ERBB4: variants seen among roughly 807,000 people sequenced by gnomAD.
The protein encoded by ERBB4 is receptor tyrosine-protein kinase erbB-4.
A neutral mutation model predicts 158.0 loss-of-function variants in ERBB4; 42 were observed. The observed-to-expected ratio is 0.27, with a 90% CI of 0.21 to 0.34. The LOEUF is 0.34. Among genes scored for constraint, ERBB4 ranks in the 10% least tolerant of loss-of-function variants. The pLI, the probability that ERBB4 is intolerant of heterozygous loss-of-function variation, is 1.00. For missense variants in ERBB4, 1,333 were observed against 1,624.1 expected, an observed-to-expected ratio of 0.82 and a Z score of 3.08; for synonymous variants, 583 against 558.7, an observed-to-expected ratio of 1.04 and a Z score of -0.61.
At chr2:211,731,097 T>A (rs969238378) in intron 5 of ERBB4, among the ~76,000 whole-genome samples, 2 of 152,074 alleles carry the variant, frequency 1.3e-5, no homozygotes, top group African/African-American at 2.4e-5. Context: ...TCGATGGAAA[T>A]ATTGCCTCAC....
intron 20 of ERBB4, among the ~76,000 whole-genome samples, chr2:211,456,942 C>T (rs1444403518): frequency 6.6e-6 from 1 of 152,114 alleles, no homozygotes; most frequent in Non-Finnish European, 1.5e-5. Flanking sequence ...GGGACCCCTG[C>T]TTTAGTCTAT....
chr2:211,840,494 T>C (rs1419411354), intron 3 of ERBB4, among the ~76,000 whole-genome samples: 1 of 152,154 alleles, frequency 6.6e-6, no homozygotes, highest in African/African-American at 2.4e-5. Flanking sequence ...TGGATGGGCC[T>C]GCTTAAGGAG....
chr2:211,832,578 G>A (rs199685398), intron 3 of ERBB4, among the ~76,000 whole-genome samples: 4 of 136,408 alleles, frequency 2.9e-5, no homozygotes, highest in South Asian at 2.4e-4. Flanking sequence ...ATGTGTGTGT[G>A]TATATATATA....
intron 1 of ERBB4, among the ~76,000 whole-genome samples, chr2:212,225,631 T>C (rs1211432735): frequency 2.0e-5 from 3 of 150,010 alleles, no homozygotes; most frequent in Non-Finnish European, 4.5e-5. Context: ...AATTTTCATA[T>C]GTAATATTTA....
intron 3 of ERBB4, among the ~76,000 whole-genome samples, chr2:211,907,092 C>T (rs955378618): frequency 4.0e-5 from 6 of 151,690 alleles, no homozygotes; most frequent in Non-Finnish European, 7.4e-5. Context: ...TCTACATCAG[C>T]GAGATTAACT....
chr2:211,993,190 G>C (rs2082120391), intron 2 of ERBB4, among the ~76,000 whole-genome samples: 1 of 152,180 alleles, frequency 6.6e-6, no homozygotes, highest in Admixed American at 6.5e-5. Flanking sequence ...GGATCTTTAA[G>C]GAGGTAATTA....
In ERBB4 at chr2:211,382,145, T is replaced by C. The variant is rs1257226272; in HGVS notation, c.*1470A>G. On this transcript the variant is annotated 3_prime_UTR_variant, in exon 28 of 28. Coordinates refer to ENST00000342788, the MANE Select transcript of ERBB4 (RefSeq NM_005235.3). ...TTGACCCAAGGACCTATCCCTAAGC[T>C]TTGAATGTTTGTGTTTTTCTTTTTA... 6 of 230,952 alleles carry C rather than the reference T, an allele frequency of 2.6e-5. No homozygotes were observed. The allele number at this position is 230,952 out of a possible 1,614,324, so 14.3% of individuals were successfully genotyped here.
At chr2:211,547,547 C>T (rs36040938) in intron 20 of ERBB4, among the ~76,000 whole-genome samples, 35,119 of 151,906 alleles carry the variant, frequency 0.23, 5,650 homozygotes, top group African/African-American at 0.46. Context: ...TCTACCTCTA[C>T]AGTTTTAGAA....
chr2:212,085,858 A>ATTG (rs1424979548), intron 2 of ERBB4, among the ~76,000 whole-genome samples: 1 of 151,408 alleles, frequency 6.6e-6, no homozygotes, highest in African/African-American at 2.4e-5. Context: ...TAAAGTTGTT[A>ATTG]TTAGCCTTAT....
chr2:212,320,135 T>C (rs888159914), intron 1 of ERBB4, among the ~76,000 whole-genome samples: 1 of 148,692 alleles, frequency 6.7e-6, no homozygotes, highest in Non-Finnish European at 1.5e-5. Context: ...GTTCCAGGTT[T>C]GCGGGATGGA....
intron 2 of ERBB4, among the ~76,000 whole-genome samples, chr2:212,122,085 A>AC (rs1490707681): frequency 6.6e-6 from 1 of 150,770 alleles, no homozygotes; most frequent in African/African-American, 2.4e-5. Flanking sequence ...ACATACACAC[A>AC]CCCCACATAC....
At chr2:212,471,063 A>G (rs1466730812) in intron 1 of ERBB4, among the ~76,000 whole-genome samples, 1 of 152,044 alleles carries the variant, frequency 6.6e-6, no homozygotes, top group African/African-American at 2.4e-5. Context: ...TATGATTAAC[A>G]TAACTCAAAC....
chr2:211,857,865 T>C (rs2077910659), intron 3 of ERBB4, among the ~76,000 whole-genome samples: 2 of 152,366 alleles, frequency 1.3e-5, no homozygotes, highest in East Asian at 1.9e-4. Context: ...GAAATGCATG[T>C]ATTTATTATA....
At chr2:211,630,340 TA>T in intron 17 of ERBB4, 121 bp downstream of exon 17, 1 of 1,160,898 alleles carries the variant, frequency 8.6e-7, no homozygotes, top group Non-Finnish European at 1.3e-6. Flanking sequence ...GACTATAAAA[TA>T]AAAAACTTAA....
intron 20 of ERBB4, among the ~76,000 whole-genome samples, chr2:211,553,104 G>A (rs1286149843): frequency 6.6e-6 from 1 of 151,950 alleles, no homozygotes; most frequent in African/African-American, 2.4e-5. Flanking sequence ...GAGTAGCTGG[G>A]ATTGCAGGCA....
intron 9 of ERBB4, among the ~76,000 whole-genome samples, chr2:211,706,424 T>TATG (rs2073441668): frequency 6.6e-6 from 1 of 152,108 alleles, no homozygotes; most frequent in Non-Finnish European, 1.5e-5. Flanking sequence ...GCATATGGCC[T>TATG]ATGTCCTGGG....
intron 1 of ERBB4, among the ~76,000 whole-genome samples, chr2:212,269,869 T>G (rs2085280965): frequency 6.6e-6 from 1 of 151,814 alleles, no homozygotes; most frequent in Non-Finnish European, 1.5e-5. Flanking sequence ...TTATTCTCTG[T>G]CCATAATTAG....
chr2:212,414,023 T>G (rs1380219615), intron 1 of ERBB4, among the ~76,000 whole-genome samples: 3 of 152,210 alleles, frequency 2.0e-5, no homozygotes, highest in Non-Finnish European at 4.4e-5. Context: ...TGGGATCTCA[T>G]GAGTTGACAG....
rs1256905788 is a variant in ERBB4, at chr2:211,378,474, GA to G, written c.*5140del. The G allele has an allele frequency of 4.3e-6, 1 of 232,412 alleles. No individual in the cohort carries two copies. Among genetic ancestry groups the G allele is most frequent in the East Asian group, 6.1e-5 (1 of 16,504 alleles). The allele number at this position is 232,412 out of a possible 1,614,324, so 14.4% of individuals were successfully genotyped here. ...ATTTTAGAGAGACTTTTAATGAAAA[GA>G]AAAAAGCAGCTCACACTGCTAAAAG... On this transcript the variant is annotated 3_prime_UTR_variant, in exon 28 of 28. Transcript: ENST00000342788.
Sources: gnomAD v4.1 joint callset for allele counts (sites outside exome capture counted in the v4.1 genomes callset) on GRCh38, gnomAD v4.1.1 for gene constraint, MANE v1.5 for transcripts, NCBI Gene and HGNC (gene_info 2026-07-23, HGNC 2026-07-21) for gene names.